GALNT7: variants seen among roughly 807,000 people sequenced by gnomAD.
GALNT7 encodes the protein polypeptide N-acetylgalactosaminyltransferase 7.
A neutral mutation model predicts 82.1 loss-of-function variants in GALNT7; 60 were observed. That is an observed-to-expected ratio of 0.73 (90% CI 0.59 to 0.91). The LOEUF is 0.91. GALNT7 is among the 40% of genes least tolerant of loss of function. The pLI is 0.00. For synonymous variants in GALNT7, 243 were observed against 275.1 expected (o/e 0.88, Z 1.15); for missense variants, 660 against 804.2 (o/e 0.82, Z 2.17).
intron 2 of GALNT7, among the ~76,000 whole-genome samples, chr4:173,276,923 A>T (rs1480508849): frequency 6.6e-6 from 1 of 152,144 alleles, no homozygotes; most frequent in Non-Finnish European, 1.5e-5. Context: ...AACAATTTTT[A>T]GGACCTTCCA....
chr4:173,206,853 T>C (rs1733115149), intron 1 of GALNT7, among the ~76,000 whole-genome samples: 1 of 152,178 alleles, frequency 6.6e-6, no homozygotes, highest in South Asian at 2.1e-4. Context: ...CAAACTGCCA[T>C]GAAACTTGCA....
chr4:173,190,199 GT>G (rs1732586245), intron 1 of GALNT7, among the ~76,000 whole-genome samples: 1 of 152,168 alleles, frequency 6.6e-6, no homozygotes, highest in African/African-American at 2.4e-5. Context: ...TTCCTGGAGA[GT>G]TGCTTTCATC....
At chr4:173,209,238 T>A (rs1733195285) in intron 1 of GALNT7, among the ~76,000 whole-genome samples, 1 of 152,200 alleles carries the variant, frequency 6.6e-6, no homozygotes, top group Non-Finnish European at 1.5e-5. Context: ...ATCAAAATGT[T>A]TTTAGCTGAT....
chr4:173,314,705 A>G (rs1006156976), intron 9 of GALNT7, among the ~76,000 whole-genome samples: 1 of 152,206 alleles, frequency 6.6e-6, no homozygotes, highest in African/African-American at 2.4e-5. Context: ...TTTCAAATGA[A>G]TTAAAAATAA....
intron 1 of GALNT7, among the ~76,000 whole-genome samples, chr4:173,208,192 G>A (rs1733158178): frequency 1.3e-5 from 2 of 151,682 alleles, no homozygotes; most frequent in Admixed American, 6.6e-5. Flanking sequence ...TATTATTCAA[G>A]GTTACAAAAG....
chr4:173,241,941 A>G (rs922194287), intron 1 of GALNT7, among the ~76,000 whole-genome samples: 2 of 152,192 alleles, frequency 1.3e-5, no homozygotes, highest in Non-Finnish European at 1.5e-5. Context: ...AAGTCTTGAG[A>G]TAAAAATAAA....
chr4:173,245,696 G>GT (rs1561171040), intron 1 of GALNT7, among the ~76,000 whole-genome samples: 1 of 152,162 alleles, frequency 6.6e-6, no homozygotes, highest in Non-Finnish European at 1.5e-5. Flanking sequence ...ACTAACATAA[G>GT]TAAGTATAAT....
At chr4:173,210,618 A>G (rs2126670239) in intron 1 of GALNT7, among the ~76,000 whole-genome samples, 1 of 151,694 alleles carries the variant, frequency 6.6e-6, no homozygotes, top group African/African-American at 2.4e-5. Flanking sequence ...TTTTTTGTAG[A>G]CACGGGGTTT....
At chr4:173,201,735 A>G (rs1051260756) in intron 1 of GALNT7, among the ~76,000 whole-genome samples, 1 of 152,170 alleles carries the variant, frequency 6.6e-6, no homozygotes, top group Admixed American at 6.5e-5. Flanking sequence ...GTGTCCTACA[A>G]CCTTCTGTGT....
At chr4:173,314,400 A>T (rs1287547606) in intron 9 of GALNT7, among the ~76,000 whole-genome samples, 1 of 152,118 alleles carries the variant, frequency 6.6e-6, no homozygotes, top group Non-Finnish European at 1.5e-5. Flanking sequence ...AGCCTGCAAG[A>T]CATCCACTCT....
At position 173,227,985 on chromosome 4, in the gene GALNT7, T is replaced by A. The variant is rs1479843527; in HGVS notation, c.127-19995T>A. Among the ~76,000 whole-genome samples the A allele has an allele frequency of 2.0e-5, 3 of 152,106 alleles. 1 individual carries two copies. The highest frequency in any genetic ancestry group is 4.4e-5 in the Non-Finnish European group (3 of 68,004). On this transcript the variant is annotated intron_variant, in intron 1 of 11. Coordinates refer to ENST00000265000, the MANE Select transcript of GALNT7 (RefSeq NM_017423.3). The stretch of plus-strand genomic sequence containing the variant: ...ATGAGCCTCTTTTCAGCTGTGCTAG[T>A]CATGTGTTTTCTGTTTGTTCCTTAA...
intron 1 of GALNT7, among the ~76,000 whole-genome samples, chr4:173,186,736 A>G (rs1311229077): frequency 1.3e-5 from 2 of 151,970 alleles, no homozygotes. Flanking sequence ...TTAAATGAAC[A>G]GTGTTCTCAA....
intron 1 of GALNT7, among the ~76,000 whole-genome samples, chr4:173,178,007 CTGTGTGTG>C (rs70944437): frequency 0.057 from 7,905 of 137,694 alleles, 265 homozygotes; most frequent in Non-Finnish European, 0.071. Flanking sequence ...ATCCGCAAGT[CTGTGTGTG>C]TGTGTGTGTG....
At chr4:173,319,725 T>C (rs777576898) in intron 11 of GALNT7, among the ~76,000 whole-genome samples, 5 of 152,170 alleles carry the variant, frequency 3.3e-5, no homozygotes, top group African/African-American at 4.8e-5. Flanking sequence ...GAACATTCAC[T>C]TGGGGACCAA....
chr4:173,294,774 T>A (rs1203115053), intron 3 of GALNT7, among the ~76,000 whole-genome samples: 1 of 152,128 alleles, frequency 6.6e-6, no homozygotes. Context: ...AACACATATA[T>A]ACATATATGT....
At chr4:173,176,476 T>C (rs13117810) in intron 1 of GALNT7, among the ~76,000 whole-genome samples, 35,541 of 152,188 alleles carry the variant, frequency 0.23, 4,587 homozygotes, top group African/African-American at 0.35. Context: ...TGGTAAATTA[T>C]ATGGATGTCT....
chr4:173,173,182 A>G (rs1057471731), intron 1 of GALNT7, among the ~76,000 whole-genome samples: 1 of 152,118 alleles, frequency 6.6e-6, no homozygotes, highest in Non-Finnish European at 1.5e-5. Flanking sequence ...TTGTTTCATT[A>G]TGGAAAGTTC....
At chr4:173,249,311 A>T (rs1734768882) in intron 2 of GALNT7, among the ~76,000 whole-genome samples, 1 of 152,226 alleles carries the variant, frequency 6.6e-6, no homozygotes, top group African/African-American at 2.4e-5. Context: ...GTTCACATAC[A>T]CGTATGCATG....
At chr4:173,193,117 T>C (rs1024583966) in intron 1 of GALNT7, among the ~76,000 whole-genome samples, 1 of 152,180 alleles carries the variant, frequency 6.6e-6, no homozygotes, top group Admixed American at 6.5e-5. Flanking sequence ...AGAAAGATGA[T>C]ATGGACAGGG....
Sources: allele counts gnomAD v4.1 joint callset (sites outside exome capture counted in the v4.1 genomes callset), GRCh38; gene constraint gnomAD v4.1.1; transcripts MANE v1.5; gene names NCBI Gene and HGNC (gene_info 2026-07-23, HGNC 2026-07-21).